GNAI1: variants seen among roughly 807,000 people sequenced by gnomAD.
GNAI1 encodes G protein subunit alpha i1, also known as guanine nucleotide-binding protein G(i) subunit alpha-1.
A neutral mutation model predicts 38.9 loss-of-function variants in GNAI1; 11 were observed. The observed-to-expected ratio is 0.28, with a 90% CI of 0.18 to 0.47. GNAI1 has a LOEUF of 0.47. Among genes scored for constraint, GNAI1 ranks in the 20% least tolerant of loss-of-function variants. The pLI, the probability that GNAI1 is intolerant of heterozygous loss-of-function variation, is 0.99. For missense variants in GNAI1, 317 were observed against 436.9 expected (o/e 0.73, Z 2.45); for synonymous variants, 166 against 145.1 (o/e 1.14, Z -1.04).
chr7:80,198,399 C>T lies in GNAI1; in HGVS notation c.304-826C>T, dbSNP rs572028342. ...ATATTTAGATTGTATTAGTGTTGCA[C>T]ATTATATTTCTCTTGGTCCACACAC... is the stretch of plus-strand genomic sequence containing the variant. On this transcript the variant is annotated intron_variant, in intron 3 of 7. Transcript: ENST00000649796. Among the ~76,000 whole-genome samples the T allele has an allele frequency of 9.9e-5, 15 of 152,146 alleles. 1 individual carries two copies. In the South Asian group the frequency reaches 2.1e-3, roughly 21 times the overall value.
Position 80,201,867 on chromosome 7 carries a change from A to G in GNAI1, c.462-1837A>G, listed in dbSNP as rs76671339. Reference sequence around the variant, plus strand: ...GAAAGTCTTAGAAACATTTTTCTCCATAGTGATTAGAGGGCATCGTGATCT... The same window carrying G: ...GAAAGTCTTAGAAACATTTTTCTCCGTAGTGATTAGAGGGCATCGTGATCT... On this transcript the variant is annotated intron_variant, in intron 4 of 7. Transcript: ENST00000649796. Among the ~76,000 whole-genome samples the G allele has an allele frequency of 4.2e-3, 644 of 152,308 alleles. 4 individuals carry two copies. Among genetic ancestry groups the G allele is most frequent in the African/African-American group, 0.014 (602 of 41,580 alleles).
At chr7:80,176,388 G>A (rs1788182338) in intron 1 of GNAI1, among the ~76,000 whole-genome samples, 1 of 152,198 alleles carries the variant, frequency 6.6e-6, no homozygotes. Flanking sequence ...GCAGCAGCAG[G>A]TTATCCGGAA....
chr7:80,174,916 A>C (rs900662977), intron 1 of GNAI1, among the ~76,000 whole-genome samples: 4 of 152,224 alleles, frequency 2.6e-5, no homozygotes, highest in African/African-American at 9.6e-5. Flanking sequence ...AGAAGCAAAA[A>C]GTATTATTAT....
intron 3 of GNAI1, among the ~76,000 whole-genome samples, chr7:80,195,142 A>G (rs1413182291): frequency 6.6e-6 from 1 of 151,858 alleles, no homozygotes; most frequent in Non-Finnish European, 1.5e-5. Context: ...TTAAATGTCA[A>G]TATTTCTCCA....
chr7:80,147,923 C>T (rs1787656312), intron 1 of GNAI1, among the ~76,000 whole-genome samples: 1 of 152,054 alleles, frequency 6.6e-6, no homozygotes, highest in Non-Finnish European at 1.5e-5. Flanking sequence ...CCTGCATTTT[C>T]TAAATATGTG....
chr7:80,170,563 A>G (rs549259236), intron 1 of GNAI1, among the ~76,000 whole-genome samples: 1 of 152,336 alleles, frequency 6.6e-6, no homozygotes, highest in South Asian at 2.1e-4. Context: ...AGGCAGTACA[A>G]GAAGCATGGC....
chr7:80,172,164 T>A (rs1168280273), intron 1 of GNAI1, among the ~76,000 whole-genome samples: 1 of 152,242 alleles, frequency 6.6e-6, no homozygotes, highest in Non-Finnish European at 1.5e-5. Flanking sequence ...ATAGTTCATT[T>A]TGAAAGATTT....
chr7:80,151,609 A>T (rs1787728107), intron 1 of GNAI1, among the ~76,000 whole-genome samples: 1 of 152,214 alleles, frequency 6.6e-6, no homozygotes, highest in Non-Finnish European at 1.5e-5. Context: ...CCCCAGTGGA[A>T]TAAATGCCTC....
rs1789008569 is a variant in GNAI1, at chr7:80,218,282, A to C, written c.*789A>C. 1 of 152,064 alleles carries C rather than the reference A, an allele frequency of 6.6e-6. No homozygotes were observed. The highest frequency in any genetic ancestry group is 6.6e-5 in the Admixed American group (1 of 15,248). 9.4% of individuals were successfully genotyped at this position (152,064 alleles called of 1,614,324 possible). On this transcript the variant is annotated 3_prime_UTR_variant, in exon 8 of 8. Transcript: ENST00000649796. ...ATACTGTCTTAGACTTATTGTACAC[A>C]CTTAGTTTTTATTCACTTGTTTTCA...
At chr7:80,137,243 G>C (rs2116058447) in intron 1 of GNAI1, among the ~76,000 whole-genome samples, 1 of 150,402 alleles carries the variant, frequency 6.6e-6, no homozygotes, top group Admixed American at 6.6e-5. Flanking sequence ...ATGTAGCAGA[G>C]GCCTCATTTT....
At chr7:80,181,900 T>C (rs138529170) in intron 1 of GNAI1, among the ~76,000 whole-genome samples, 1 of 152,192 alleles carries the variant, frequency 6.6e-6, no homozygotes, top group African/African-American at 2.4e-5. Flanking sequence ...ACATTTAAGA[T>C]CTACTCTGTT....
intron 3 of GNAI1, among the ~76,000 whole-genome samples, chr7:80,196,283 C>A (rs1449594123): frequency 2.0e-5 from 3 of 151,896 alleles, no homozygotes; most frequent in African/African-American, 7.2e-5. Flanking sequence ...AGGAATTTTT[C>A]TGTCAAATAA....
intron 1 of GNAI1, among the ~76,000 whole-genome samples, chr7:80,152,299 G>A (rs1284415769): frequency 2.0e-5 from 3 of 152,140 alleles, no homozygotes; most frequent in Non-Finnish European, 2.9e-5. Context: ...CTATTAGGGA[G>A]AAAGGGCCTG....
chr7:80,199,895 T>A (rs1168121978), intron 4 of GNAI1, among the ~76,000 whole-genome samples: 1 of 152,142 alleles, frequency 6.6e-6, no homozygotes, highest in Non-Finnish European at 1.5e-5. Flanking sequence ...AATTGTCAGT[T>A]GTGTGTGTGC....
intron 3 of GNAI1, among the ~76,000 whole-genome samples, chr7:80,196,841 T>C (rs10256162): frequency 0.032 from 4,876 of 152,046 alleles, 281 homozygotes; most frequent in African/African-American, 0.11. Context: ...CTTGATGTTA[T>C]GAGATACATA....
At chr7:80,150,893 G>A (rs1418819058) in intron 1 of GNAI1, among the ~76,000 whole-genome samples, 2 of 152,028 alleles carry the variant, frequency 1.3e-5, no homozygotes, top group Non-Finnish European at 2.9e-5. Context: ...CTTTTGTAAT[G>A]TCCTCCTACC....
intron 4 of GNAI1, among the ~76,000 whole-genome samples, chr7:80,201,717 A>G (rs1000716577): frequency 1.3e-5 from 2 of 152,104 alleles, no homozygotes; most frequent in East Asian, 1.9e-4. Context: ...GAGCAAGACC[A>G]TGTCTCAAAG....
intron 5 of GNAI1, 85 bp from the exon 6 acceptor site, chr7:80,210,884 C>A: frequency 8.5e-7 from 1 of 1,172,614 alleles, no homozygotes; most frequent in Non-Finnish European, 1.2e-6. Context: ...CACAACTATT[C>A]AGAGCTTTTT....
Position 80,224,990 on chromosome 7 carries a change from A to G in GNAI1, c.*7497A>G, listed in dbSNP as rs1789135632. ...TTTCTTCCACAACAACTCTATTTGC[A>G]TTGCATGGAAATGTTCCCAAGTTTT... On this transcript the variant is annotated 3_prime_UTR_variant, in exon 8 of 8. Coordinates refer to ENST00000649796, the MANE Select transcript of GNAI1 (RefSeq NM_002069.6). 6.6e-6 allele frequency among the ~76,000 whole-genome samples: 1 copy of G among 152,114 alleles called. No homozygotes were observed. The highest frequency in any genetic ancestry group is 2.4e-5 in the African/African-American group (1 of 41,388).
Sources: allele counts gnomAD v4.1 joint callset (sites outside exome capture counted in the v4.1 genomes callset), GRCh38; gene constraint gnomAD v4.1.1; transcripts MANE v1.5; gene names NCBI Gene and HGNC (gene_info 2026-07-23, HGNC 2026-07-21).